PRKN: variants seen among roughly 807,000 people sequenced by gnomAD.
PRKN encodes the protein E3 ubiquitin-protein ligase parkin.
PRKN carries 56 observed loss-of-function variants against 59.5 expected under a neutral mutation model. That is an observed-to-expected ratio of 0.94 (90% CI 0.76 to 1.18). The LOEUF (loss-of-function observed/expected upper bound fraction) is 1.18, where lower values mean the gene tolerates loss of function less well. Among genes scored for constraint, PRKN ranks in the 50% most tolerant of loss-of-function variants. The pLI is 0.00. For missense variants in PRKN, 657 were observed against 596.4 expected (o/e 1.10, Z -1.06); for synonymous variants, 250 against 222.1 (o/e 1.13, Z -1.12).
intron 7 of PRKN, among the ~76,000 whole-genome samples, chr6:161,767,572 A>G (rs541417285): frequency 6.6e-6 from 1 of 152,310 alleles, no homozygotes; most frequent in East Asian, 1.9e-4. Flanking sequence ...GCTCCGAAGC[A>G]AAGCTGCAAG....
intron 9 of PRKN, among the ~76,000 whole-genome samples, chr6:161,494,161 A>G (rs536524303): frequency 1.3e-5 from 2 of 152,290 alleles, no homozygotes; most frequent in African/African-American, 4.8e-5. Context: ...ATTATTTGGC[A>G]GCTTTTAAAA....
chr6:162,680,406 T>TAC (rs1554261582), intron 1 of PRKN, among the ~76,000 whole-genome samples: 8 of 151,350 alleles, frequency 5.3e-5, no homozygotes, highest in Admixed American at 4.0e-4. Flanking sequence ...TATATATATG[T>TAC]ACACACATAC....
At chr6:161,981,907 T>C (rs183217583) in intron 5 of PRKN, among the ~76,000 whole-genome samples, 4 of 152,302 alleles carry the variant, frequency 2.6e-5, no homozygotes, top group South Asian at 2.1e-4. Flanking sequence ...ATAAAGCCTC[T>C]AGATGATGTG....
chr6:162,638,345 T>C (rs892659756), intron 1 of PRKN, among the ~76,000 whole-genome samples: 4 of 152,170 alleles, frequency 2.6e-5, no homozygotes, highest in Non-Finnish European at 1.5e-5. Context: ...GCCAACTCAT[T>C]GTAAAGGAGC....
rs187632037 is a variant in PRKN, at chr6:162,254,316, G to A, written c.412+8209C>T. 2.0e-5 allele frequency among the ~76,000 whole-genome samples: 3 copies of A among 152,108 alleles called. No individual in the cohort carries two copies. The East Asian group carries it at 5.8e-4, about 29-fold the overall frequency. ...TATTAAAAATACAAAAATTAGCTGG[G>A]CATGGTGGTGGGTGCCTGTAATCCC... On this transcript the variant is annotated intron_variant, in intron 3 of 11. Coordinates refer to ENST00000366898, the MANE Select transcript of PRKN (RefSeq NM_004562.3).
At chr6:162,493,434 C>G (rs1792912112) in intron 1 of PRKN, among the ~76,000 whole-genome samples, 1 of 152,124 alleles carries the variant, frequency 6.6e-6, no homozygotes, top group African/African-American at 2.4e-5. Context: ...GGACACTCAG[C>G]AATGCCATCA....
intron 4 of PRKN, among the ~76,000 whole-genome samples, chr6:162,200,709 C>G (rs1784690861): frequency 6.6e-6 from 1 of 152,090 alleles, no homozygotes; most frequent in South Asian, 2.1e-4. Context: ...TTTGGTGCAC[C>G]AATCTTAACG....
chr6:162,309,925 A>C (rs141604403), intron 2 of PRKN, among the ~76,000 whole-genome samples: 134 of 152,214 alleles, frequency 8.8e-4, no homozygotes, highest in African/African-American at 2.9e-3. Flanking sequence ...ATGTGTTCTC[A>C]TGACTTAGCT....
At chr6:162,279,461 GAGAGA>G (rs543563367) in intron 2 of PRKN, among the ~76,000 whole-genome samples, 8 of 151,040 alleles carry the variant, frequency 5.3e-5, no homozygotes, top group African/African-American at 2.0e-4. Flanking sequence ...CAGAAACAAA[GAGAGA>G]AGAGAAGAGA....
At chr6:161,555,986 C>T (rs7747796) in intron 8 of PRKN, among the ~76,000 whole-genome samples, 61,144 of 152,054 alleles carry the variant, frequency 0.4, 12,432 homozygotes, top group East Asian at 0.57. Context: ...TTTGACAACA[C>T]ATCACCTAGT....
At chr6:162,399,222 T>C (rs777659629) in intron 2 of PRKN, among the ~76,000 whole-genome samples, 2 of 152,208 alleles carry the variant, frequency 1.3e-5, no homozygotes, top group Non-Finnish European at 2.9e-5. Context: ...GCCAGAGATA[T>C]TGTCATGGAG....
intron 6 of PRKN, among the ~76,000 whole-genome samples, chr6:161,808,405 C>T (rs999372558): frequency 6.6e-6 from 1 of 152,108 alleles, no homozygotes. Flanking sequence ...CTTAACTGAA[C>T]ACTAAAGTAT....
rs1447719471 is a variant in PRKN at position 161,446,394 on chromosome 6, A to G, written c.1084-59517T>C. Among the ~76,000 whole-genome samples, 1 of 152,036 alleles carries G rather than the reference A, an allele frequency of 6.6e-6. No individual in the cohort carries two copies. Among genetic ancestry groups the G allele is most frequent in the Non-Finnish European group, 1.5e-5 (1 of 68,000 alleles). On this transcript the variant is annotated intron_variant, in intron 9 of 11. Transcript: ENST00000366898. This position sits in a 1 kb window ranked among gnomAD's most constrained non-coding sequence, Gnocchi z 6.2. ...AGATGCCAGCAGACACTGAGACCCA[A>G]AGGGGCCTGGCTTGGGACCTATGCA...
intron 1 of PRKN, among the ~76,000 whole-genome samples, chr6:162,506,351 G>A (rs1030814908): frequency 4.0e-5 from 6 of 151,402 alleles, no homozygotes; most frequent in Admixed American, 4.0e-4. Context: ...ACAATGGAAA[G>A]GATCATGTGG....
At chr6:161,690,640 G>A (rs1440691089) in intron 7 of PRKN, among the ~76,000 whole-genome samples, 2 of 152,146 alleles carry the variant, frequency 1.3e-5, no homozygotes. Flanking sequence ...GAATGGATGG[G>A]CAGCATCCCA....
chr6:162,004,666 A>G (rs2128264338), intron 5 of PRKN, among the ~76,000 whole-genome samples: 1 of 152,316 alleles, frequency 6.6e-6, no homozygotes, highest in Admixed American at 6.5e-5. Flanking sequence ...GTAGCTTCAG[A>G]AAGAAACTAA....
At chr6:162,021,461 ATTT>A (rs72433488) in intron 5 of PRKN, among the ~76,000 whole-genome samples, 32 of 24,660 alleles carry the variant, frequency 1.3e-3, no homozygotes, top group East Asian at 3.9e-3. Flanking sequence ...ATATATATAT[ATTT>A]TTTTTTTTTT....
At chr6:162,350,864 T>C (rs960206900) in intron 2 of PRKN, among the ~76,000 whole-genome samples, 4 of 152,024 alleles carry the variant, frequency 2.6e-5, no homozygotes, top group African/African-American at 9.7e-5. Flanking sequence ...AAATATACTA[T>C]TAAAATATAG....
At chr6:162,225,886 GTATA>G (rs58925653) in intron 3 of PRKN, among the ~76,000 whole-genome samples, 8 of 143,158 alleles carry the variant, frequency 5.6e-5, no homozygotes, top group African/African-American at 7.6e-5. Flanking sequence ...ATGTAGGGCT[GTATA>G]TATATATATA....
Sources: allele counts gnomAD v4.1 joint callset (sites outside exome capture counted in the v4.1 genomes callset), GRCh38; gene constraint gnomAD v4.1.1; non-coding constraint Gnocchi (gnomAD v3.1); transcripts MANE v1.5; gene names NCBI Gene and HGNC (gene_info 2026-07-23, HGNC 2026-07-21).